The following CPA5 variants were observed in gnomAD, a reference collection of about 807,000 sequenced individuals.
CPA5 encodes the protein carboxypeptidase A5.
Under a neutral mutation model 52.2 loss-of-function variants are expected in CPA5, and 38 were observed. That is an observed-to-expected ratio of 0.73 (90% CI 0.56 to 0.95). The LOEUF is 0.95. CPA5 is among the 40% of genes least tolerant of loss of function. The probability of loss-of-function intolerance (pLI) is 0.00; values close to 1 mark genes in which losing one functional copy is unlikely to be tolerated. For missense variants in CPA5, 519 were observed against 566.7 expected, an observed-to-expected ratio of 0.92 and a Z score of 0.86; for synonymous variants, 198 against 213.7, an observed-to-expected ratio of 0.93 and a Z score of 0.64.
At chr7:130,372,274 CT>C (rs1796302706), downstream of CPA5, among the ~76,000 whole-genome samples, 1 of 152,236 alleles carries the variant, frequency 6.6e-6, no homozygotes, top group Non-Finnish European at 1.5e-5. Flanking sequence ...CTCTCTGCAC[CT>C]GTCAGCACTG....
intron 9 of CPA5, 89 bp downstream of exon 9, chr7:130,363,083 G>C (rs781855786): frequency 1.3e-5 from 10 of 777,022 alleles, no homozygotes; most frequent in African/African-American, 1.0e-4. Context: ...AGCCCCTTCA[G>C]AGCCTCTTTG....
At chr7:130,353,042 T>C (rs1795265876) in intron 5 of CPA5, among the ~76,000 whole-genome samples, 1 of 152,100 alleles carries the variant, frequency 6.6e-6, no homozygotes, top group Non-Finnish European at 1.5e-5. Flanking sequence ...TACAATTGAG[T>C]GTAAATACTG....
chr7:130,361,056 A>G, intron 6 of CPA5, 87 bp from the exon 7 acceptor site: 1 of 830,616 alleles, frequency 1.2e-6, no homozygotes, highest in Non-Finnish European at 2.1e-6. Flanking sequence ...AGAGAGTGGG[A>G]AGGGACAGGG....
chr7:130,354,679 G>A (rs1266452072), intron 5 of CPA5, among the ~76,000 whole-genome samples: 2 of 152,136 alleles, frequency 1.3e-5, no homozygotes, highest in Non-Finnish European at 2.9e-5. Flanking sequence ...CTCCCAAAGT[G>A]CAGGGATCAT....
At chr7:130,364,996 C>T (rs913720546) in intron 10 of CPA5, among the ~76,000 whole-genome samples, 3 of 152,228 alleles carry the variant, frequency 2.0e-5, no homozygotes, top group African/African-American at 7.2e-5. Flanking sequence ...CAGGGTTTGG[C>T]TCCACAGGGG....
chr7:130,359,689 T>C lies in CPA5; in HGVS notation c.432+2T>C, dbSNP rs1554406112. The C allele has an allele frequency of 6.3e-7, 1 of 1,576,736 alleles. No individual in the cohort carries two copies. The highest frequency in any genetic ancestry group is 8.6e-7 in the Non-Finnish European group (1 of 1,160,438). ...TCATCATACCACACCCTGGAGGAGGTAGGTCTGGCCGGGCAAGCTCTGGGC... is the reference window on the plus strand; with the variant it reads ...TCATCATACCACACCCTGGAGGAGGCAGGTCTGGCCGGGCAAGCTCTGGGC... On this transcript the variant is annotated splice_donor_variant, in intron 6 of 12. Coordinates refer to ENST00000474905, the MANE Select transcript of CPA5 (RefSeq NM_080385.5). LOFTEE classifies it high-confidence loss of function.
At chr7:130,351,251 A>G (rs1795122245) in intron 5 of CPA5, among the ~76,000 whole-genome samples, 1 of 152,224 alleles carries the variant, frequency 6.6e-6, no homozygotes, top group African/African-American at 2.4e-5. Flanking sequence ...AAAAGAGGCT[A>G]CCACATCAAA....
the CPA5 span, among the ~76,000 whole-genome samples, chr7:130,374,397 T>C: frequency 2.6e-5 from 4 of 152,116 alleles, no homozygotes; most frequent in African/African-American, 9.7e-5. Flanking sequence ...ACCAGGCTCT[T>C]GCTCTGGGGC....
chr7:130,346,086 G>T (rs1794716097), intron 2 of CPA5, among the ~76,000 whole-genome samples, 190 bp downstream of exon 2: 1 of 152,188 alleles, frequency 6.6e-6, no homozygotes, highest in East Asian at 1.9e-4. Flanking sequence ...GCATGAGTGG[G>T]CTAGGCGGAG....
chr7:130,371,789 T>TC (rs1302918563), downstream of CPA5, among the ~76,000 whole-genome samples: 1 of 152,198 alleles, frequency 6.6e-6, no homozygotes, highest in African/African-American at 2.4e-5. Flanking sequence ...ACTCCTGACC[T>TC]CATGTGATCT....
At chr7:130,349,921 T>C in intron 4 of CPA5, 54 bp from the exon 5 acceptor site, 1 of 1,569,988 alleles carries the variant, frequency 6.4e-7, no homozygotes, top group Non-Finnish European at 8.6e-7. Flanking sequence ...ACCTACAGGA[T>C]TGTGTGGAAG....
At chr7:130,357,044 GCTC>G (rs1554405379) in intron 5 of CPA5, among the ~76,000 whole-genome samples, 1 of 152,218 alleles carries the variant, frequency 6.6e-6, no homozygotes. Context: ...GAGGACCGGG[GCTC>G]CTCCGGCCAC....
chr7:130,362,399 A>T (rs1554406896), intron 7 of CPA5, 39 bp from the exon 8 acceptor site: 1 of 1,463,376 alleles, frequency 6.8e-7, no homozygotes, highest in East Asian at 2.3e-5. Flanking sequence ...TAGCTGTCTG[A>T]GTTCAAACCT....
Position 130,344,832 on chromosome 7 carries a change from CTCTT to C in CPA5, c.-523_-520del, listed in dbSNP as rs1794639713. 6.6e-6 allele frequency: 1 copy of C among 151,192 alleles called. No homozygotes were observed. Among genetic ancestry groups the C allele is most frequent in the South Asian group, 2.1e-4 (1 of 4,792 alleles). 9.4% of individuals were successfully genotyped at this position (151,192 alleles called of 1,614,324 possible). ...AAACTTCCTAACTGCTTCTCTCTCT[CTCTT>C]TTACTCTTATTCTTTCTCTCTCACT... is the stretch of plus-strand genomic sequence containing the variant. On this transcript the variant is annotated 5_prime_UTR_variant, in exon 1 of 13. Coordinates refer to ENST00000474905, the MANE Select transcript of CPA5 (RefSeq NM_080385.5).
rs536517987 is a variant in CPA5, at chr7:130,361,801, G to A, written c.534+557G>A. 2.6e-5 allele frequency among the ~76,000 whole-genome samples: 4 copies of A among 152,296 alleles called. No individual in the cohort carries two copies. The East Asian group carries it at 5.8e-4, about 22-fold the overall frequency. ...CATCAGAAAGCAATTCTTAGTTTGC[G>A]CCCAAAAGGGCACCCGGGAGTGTGG... On this transcript the variant is annotated intron_variant, in intron 7 of 12. Coordinates refer to ENST00000474905, the MANE Select transcript of CPA5 (RefSeq NM_080385.5).
rs782440495 is a variant in CPA5 at position 130,367,909 on chromosome 7, G to A, written c.1042G>A (p.Asp348Asn). The change falls in exon 12 of 13, where the codon GAT becomes AAT. Residue 348 changes from aspartate to asparagine, a missense_variant. Physicochemically the swap from Asp to Asn is conservative, Grantham distance 23 (BLOSUM62 1). Transcript: ENST00000474905. ...EPVSNQRELY[D>N]LAKDAVEALY... Reference sequence around the variant, plus strand: ...CCCCGCCAATGTCATCTTGCAGTACGATCTTGCCAAGGATGCGGTGGAGGC... The same window carrying A: ...CCCCGCCAATGTCATCTTGCAGTACAATCTTGCCAAGGATGCGGTGGAGGC... 2.4e-5 allele frequency: 39 copies of A among 1,614,048 alleles called. No individual in the cohort carries two copies. The highest frequency in any genetic ancestry group is 1.6e-4 in the Middle Eastern group (1 of 6,084).
chr7:130,348,049 C>G (rs1476652475), intron 4 of CPA5, among the ~76,000 whole-genome samples: 2 of 152,218 alleles, frequency 1.3e-5, no homozygotes, highest in Non-Finnish European at 2.9e-5. Context: ...CCTTTTTAGT[C>G]TGTGTCTCTT....
chr7:130,353,271 C>T (rs1554404451), intron 5 of CPA5, among the ~76,000 whole-genome samples: 1 of 152,102 alleles, frequency 6.6e-6, no homozygotes, highest in East Asian at 1.9e-4. Context: ...CTCACTTCAC[C>T]AAAGCTTCCC....
rs367924032 is a variant in CPA5, at chr7:130,368,463, G to T, written c.1177G>T (p.Ala393Ser). 1 of 1,614,124 alleles carries T rather than the reference G, an allele frequency of 6.2e-7. No homozygotes were observed. Among genetic ancestry groups the T allele is most frequent in the Non-Finnish European group, 8.5e-7 (1 of 1,180,004 alleles). The change falls in exon 13 of 13, where the codon GCC becomes TCC. Residue 393 changes from alanine (A) to serine (S), a missense_variant. Physicochemically the swap from Ala to Ser is moderately conservative, Grantham distance 99. Coordinates refer to ENST00000474905, the MANE Select transcript of CPA5 (RefSeq NM_080385.5). ...DWAYDSGIKY[A>S]FSFELRDTGQ... is the part of the protein sequence containing the mutation. ...GGCCTATGACAGTGGCATCAAGTACGCCTTCAGCTTTGAGCTCCGGGACAC... is the reference window on the plus strand; with the variant it reads ...GGCCTATGACAGTGGCATCAAGTACTCCTTCAGCTTTGAGCTCCGGGACAC...
Sources: gnomAD v4.1 joint callset for allele counts (sites outside exome capture counted in the v4.1 genomes callset) on GRCh38, gnomAD v4.1.1 for gene constraint, MANE v1.5 for transcripts, NCBI Gene and HGNC (gene_info 2026-07-23, HGNC 2026-07-21) for gene names.